Variants in BPIFB1 observed in about 807,000 individuals in gnomAD.
BPIFB1 encodes the protein BPI fold-containing family B member 1.
In BPIFB1, 34 loss-of-function variants were observed where a neutral mutation model predicts 55.1. The observed-to-expected ratio is 0.62, with a 90% CI of 0.47 to 0.82. The LOEUF is 0.82. Among genes scored for constraint, BPIFB1 ranks in the 40% least tolerant of loss-of-function variants. The pLI, the probability that BPIFB1 is intolerant of heterozygous loss-of-function variation, is 0.00. For missense variants in BPIFB1, 532 were observed against 593.1 expected (o/e 0.90, Z 1.07); for synonymous variants, 236 against 245.3 (o/e 0.96, Z 0.35).
Position 33,309,218 on chromosome 20 carries a change from G to A in BPIFB1, c.1396-490G>A, listed in dbSNP as rs559760465. Among the ~76,000 whole-genome samples, 1 of 152,254 alleles carries A rather than the reference G, an allele frequency of 6.6e-6. No individual in the cohort carries two copies. The highest frequency in any genetic ancestry group is 6.5e-5 in the Admixed American group (1 of 15,286). ...CACAGTCACTGTGTGCCAGGCTCTGGGGCATCTCTCCCCCTCTAGAGTGGA... is the reference window on the plus strand; with the variant it reads ...CACAGTCACTGTGTGCCAGGCTCTGAGGCATCTCTCCCCCTCTAGAGTGGA... On this transcript the variant is annotated intron_variant, in intron 15 of 15. Transcript: ENST00000253354. The surrounding 1 kb of genome is among the most constrained non-coding windows in gnomAD (Gnocchi z 4.4).
intron 15 of BPIFB1, among the ~76,000 whole-genome samples, chr20:33,308,855 C>T (rs6088168): frequency 0.39 from 58,051 of 149,984 alleles, 12,200 homozygotes; most frequent in East Asian, 0.66. Flanking sequence ...ACACACACCA[C>T]ACACATACAC....
rs577375867 is a variant in BPIFB1 at position 33,309,054 on chromosome 20, G to A, written c.1396-654G>A. On this transcript the variant is annotated intron_variant, in intron 15 of 15. Coordinates refer to ENST00000253354, the MANE Select transcript of BPIFB1 (RefSeq NM_033197.3). The surrounding 1 kb of genome is among the most constrained non-coding windows in gnomAD (Gnocchi z 4.4). ...CCATCTTGTCCATGCCTCTGTCCCC[G>A]GTGCTCAGCATGGCCTGGCACACAG... 4.5e-4 allele frequency among the ~76,000 whole-genome samples: 68 copies of A among 152,188 alleles called. No individual in the cohort carries two copies. Among genetic ancestry groups the A allele is most frequent in the African/African-American group, 1.3e-3 (55 of 41,508 alleles).
rs1320424619 is a variant in BPIFB1 at position 33,305,009 on chromosome 20, G to A, written c.1254+118G>A. On this transcript the variant is annotated intron_variant, in intron 13 of 15. Transcript: ENST00000253354. ...AGGTCCCCACAGAAGCACCATGGGG[G>A]GCTGGCCGGTCTCCACCAAAGTCCA... 1.8e-5 allele frequency: 21 copies of A among 1,170,422 alleles called. No individual in the cohort carries two copies. The Middle Eastern group carries it at 6.5e-4, about 36-fold the overall frequency. The allele number at this position is 1,170,422 out of a possible 1,614,324, so 72.5% of individuals were successfully genotyped here. A position where few individuals can be genotyped will look rare whatever the true frequency, so the allele number is the denominator to read the frequency against.
In BPIFB1 at chr20:33,304,881, G is replaced by A; in HGVS notation, c.1244G>A (p.Gly415Asp). 1 of 1,614,154 alleles carries A rather than the reference G, an allele frequency of 6.2e-7. No homozygotes were observed. ...ATCCAGCTGATGAACTCTGGGATTG[G>A]CTGGTTCCAAGTAAGTGTTAACAGG... ...DRIQLMNSGI[G>D]WFQPDVLKNI... Residue 415 changes from glycine to aspartate, a missense_variant, in exon 13 of 16, where the codon GGC (glycine) becomes GAC (aspartate). Gly to Asp is a moderately conservative substitution (Grantham distance 94). Coordinates refer to ENST00000253354, the MANE Select transcript of BPIFB1 (RefSeq NM_033197.3).
Position 33,288,785 on chromosome 20 carries a change from C to T in BPIFB1, c.160C>T (p.Gln54Ter), listed in dbSNP as rs1980353563. The T allele has an allele frequency of 6.2e-7, 1 of 1,613,860 alleles. No homozygotes were observed. Among genetic ancestry groups the T allele is most frequent in the Non-Finnish European group, 8.5e-7 (1 of 1,180,020 alleles). ...GGACCACAACGCCACCAGCATCCTG[C>T]AGCAGCTGCCGCTGCTCAGTGCCAT... is the stretch of plus-strand genomic sequence containing the variant. Reference protein sequence around the residue: ...LKDHNATSILQQLPLLSAMRE... With the variant: ...LKDHNATSIL Residue 54 changes from glutamine (Q) to a stop codon, truncating the protein, a stop_gained, in exon 3 of 16, where the codon CAG (glutamine) becomes TAG (stop). Transcript: ENST00000253354. LOFTEE classifies it high-confidence loss of function.
At position 33,301,359 on chromosome 20, in the gene BPIFB1, G is replaced by A; in HGVS notation, c.874G>A (p.Ala292Thr). The A allele has an allele frequency of 6.2e-7, 1 of 1,614,170 alleles. No homozygotes were observed. Among genetic ancestry groups the A allele is most frequent in the Non-Finnish European group, 8.5e-7 (1 of 1,180,036 alleles). ...CGTGAGTCAGGACGTGGTGAAAGCT[G>A]CAGTGGCTGCTGTGCTCTCTCCAGA... ...LIVSQDVVKAAVAAVLSPEEF... is the reference protein window; with the variant it reads ...LIVSQDVVKATVAAVLSPEEF... The change falls in exon 9 of 16, where the codon GCA becomes ACA. Residue 292 changes from alanine (A) to threonine (T), a missense_variant. Ala to Thr is a moderately conservative substitution (Grantham distance 58). Coordinates refer to ENST00000253354, the MANE Select transcript of BPIFB1 (RefSeq NM_033197.3).
At chr20:33,305,357 G>A (rs1370783750) in intron 13 of BPIFB1, among the ~76,000 whole-genome samples, 4 of 128,872 alleles carry the variant, frequency 3.1e-5, no homozygotes, top group Admixed American at 9.7e-5. Flanking sequence ...TCGCTCTGTC[G>A]CCCAGGCTGG....
chr20:33,298,800 T>C (rs1332432586), intron 7 of BPIFB1: 1 of 167,348 alleles, frequency 6.0e-6, no homozygotes, highest in East Asian at 1.9e-4. Context: ...TTTTCTTTTT[T>C]TTTTTTTTAA....
intron 1 of BPIFB1, 94 bp from the exon 2 acceptor site, chr20:33,285,939 C>G: frequency 1.4e-6 from 1 of 735,496 alleles, no homozygotes; most frequent in Non-Finnish European, 2.3e-6. Flanking sequence ...ACACTGCACT[C>G]AACAGCCTCT....
intron 6 of BPIFB1, among the ~76,000 whole-genome samples, chr20:33,294,589 T>C (rs1421138891): frequency 6.6e-6 from 1 of 152,214 alleles, no homozygotes; most frequent in Non-Finnish European, 1.5e-5. Context: ...AAGGTGGGAA[T>C]TTCATAAAGT....
At chr20:33,284,992 T>C (rs990505999) in intron 1 of BPIFB1, among the ~76,000 whole-genome samples, 1 of 152,192 alleles carries the variant, frequency 6.6e-6, no homozygotes, top group Non-Finnish European at 1.5e-5. Flanking sequence ...TTCACAACTT[T>C]GAGTCCTACC....
At chr20:33,296,897 T>C (rs965502545) in intron 6 of BPIFB1, among the ~76,000 whole-genome samples, 3 of 152,252 alleles carry the variant, frequency 2.0e-5, no homozygotes, top group Admixed American at 2.0e-4. Flanking sequence ...AGCAACTTGC[T>C]GTATGAATAA....
At chr20:33,290,116 G>A (rs994616402) in intron 4 of BPIFB1, 124 bp downstream of exon 4, 4 of 726,662 alleles carry the variant, frequency 5.5e-6, no homozygotes, top group Admixed American at 4.3e-5. Context: ...AGCAAGTGCA[G>A]AGGCCCTGTG....
chr20:33,283,979 A>G (rs1027153886), intron 1 of BPIFB1, among the ~76,000 whole-genome samples: 1 of 152,130 alleles, frequency 6.6e-6, no homozygotes, highest in African/African-American at 2.4e-5. Context: ...GAGTGGGGCC[A>G]CAGGGGTGCC....
intron 4 of BPIFB1, 31 bp downstream of exon 4, chr20:33,290,023 C>T: frequency 6.5e-7 from 1 of 1,545,658 alleles, no homozygotes. Flanking sequence ...GTACAGTAGG[C>T]TTGACAGGCT....
intron 12 of BPIFB1, 142 bp from the exon 13 acceptor site, chr20:33,304,704 A>C: frequency 1.1e-6 from 1 of 938,164 alleles, no homozygotes; most frequent in Non-Finnish European, 1.7e-6. Context: ...TGCAAGCTCC[A>C]CGACGCAAGG....
intron 1 of BPIFB1, among the ~76,000 whole-genome samples, chr20:33,284,937 T>C (rs1423696254): frequency 7.2e-5 from 11 of 152,048 alleles, no homozygotes; most frequent in Admixed American, 7.2e-4. Flanking sequence ...AGCCATTCAG[T>C]CCCTCCCCAG....
At chr20:33,290,557 G>T (rs1980432685) in intron 4 of BPIFB1, among the ~76,000 whole-genome samples, 1 of 152,144 alleles carries the variant, frequency 6.6e-6, no homozygotes. Context: ...TGTATTCAGG[G>T]GGAAAGAGAG....
Position 33,309,847 on chromosome 20 carries a change from G to T in BPIFB1, c.*80G>T. On this transcript the variant is annotated 3_prime_UTR_variant, in exon 16 of 16. Transcript: ENST00000253354. The surrounding 1 kb of genome is among the most constrained non-coding windows in gnomAD (Gnocchi z 4.4). ...TGAGCTCTATAGACCATCCCTCTCT[G>T]CAATCAATAAACACTTGCCTGTGAT... The T allele has an allele frequency of 7.6e-7, 1 of 1,307,680 alleles. No individual in the cohort carries two copies. The highest frequency in any genetic ancestry group is 1.2e-5 in the South Asian group (1 of 83,572). 81.0% of individuals were successfully genotyped at this position (1,307,680 alleles called of 1,614,324 possible).
Sources: allele counts gnomAD v4.1 joint callset (sites outside exome capture counted in the v4.1 genomes callset), GRCh38; gene constraint gnomAD v4.1.1; non-coding constraint Gnocchi (gnomAD v3.1); transcripts MANE v1.5; gene names NCBI Gene and HGNC (gene_info 2026-07-23, HGNC 2026-07-21).